The following ZBTB20 variants were observed in gnomAD, a reference collection of about 807,000 sequenced individuals.
The protein encoded by ZBTB20 is zinc finger and BTB domain containing 20, also known as zinc finger and BTB domain-containing protein 20.
ZBTB20 carries 9 observed loss-of-function variants against 56.9 expected under a neutral mutation model. The ratio of observed to expected loss-of-function variants is 0.16; its 90% CI spans 0.10 to 0.28. ZBTB20 has a LOEUF of 0.28. ZBTB20 is among the 10% of genes least tolerant of loss of function. ZBTB20 has a pLI of 1.00. For synonymous variants in ZBTB20, 417 were observed against 420.7 expected (o/e 0.99, Z 0.11); for missense variants, 655 against 1,003.0 (o/e 0.65, Z 4.69).
chr3:114,361,370 G>GA (rs2081863302), intron 10 of ZBTB20, among the ~76,000 whole-genome samples: 1 of 152,136 alleles, frequency 6.6e-6, no homozygotes, highest in Non-Finnish European at 1.5e-5. Context: ...GAAGCCTTCT[G>GA]TGATTACTAG....
chr3:114,936,940 C>T (rs1325578816), intron 3 of ZBTB20, among the ~76,000 whole-genome samples: 2 of 152,078 alleles, frequency 1.3e-5, no homozygotes, highest in East Asian at 1.9e-4. Context: ...GACTATGATG[C>T]AATTCTGACA....
intron 8 of ZBTB20, among the ~76,000 whole-genome samples, chr3:114,384,231 C>A (rs538455328): frequency 6.6e-6 from 1 of 151,334 alleles, no homozygotes; most frequent in Non-Finnish European, 1.5e-5. Context: ...GCCCCTCAAC[C>A]GGAAAATGAA....
chr3:114,801,003 A>G (rs755620956), intron 5 of ZBTB20, 98 bp downstream of exon 5: 11 of 151,918 alleles, frequency 7.2e-5, no homozygotes, highest in Non-Finnish European at 1.2e-4. Flanking sequence ...GGACATTCAA[A>G]TTTTTACTCA....
intron 6 of ZBTB20, among the ~76,000 whole-genome samples, chr3:114,518,193 T>G (rs1226318818): frequency 6.6e-6 from 1 of 152,124 alleles, no homozygotes; most frequent in Middle Eastern, 3.2e-3. Context: ...AGTTTTCGGT[T>G]TCTTCTTCCT....
At chr3:115,136,004 T>C (rs530583486) in intron 1 of ZBTB20, among the ~76,000 whole-genome samples, 39 of 152,254 alleles carry the variant, frequency 2.6e-4, no homozygotes, top group African/African-American at 8.7e-4. Flanking sequence ...AGGAATCATA[T>C]AGGATATGAA....
chr3:114,489,898 C>T (rs2042547270), intron 7 of ZBTB20, among the ~76,000 whole-genome samples: 1 of 152,158 alleles, frequency 6.6e-6, no homozygotes, highest in Non-Finnish European at 1.5e-5. Flanking sequence ...TCTTTCTAAG[C>T]TATCATTTTA....
rs2061273448 is a variant in ZBTB20 at position 114,669,998 on chromosome 3, A to G, written c.-295+23530T>C. Among the ~76,000 whole-genome samples the G allele has an allele frequency of 4.6e-5, 7 of 152,236 alleles. No homozygotes were observed. The South Asian group carries it at 1.5e-3, about 32-fold the overall frequency. On this transcript the variant is annotated intron_variant, in intron 6 of 11. Transcript: ENST00000675478. ...TTGAAAATCAAGAAAATTTTTTCTG[A>G]GAAAAGTTTGTGAGAATTATTATGA...
intron 1 of ZBTB20, among the ~76,000 whole-genome samples, chr3:115,104,422 G>T (rs2083665740): frequency 6.6e-6 from 1 of 152,152 alleles, no homozygotes; most frequent in Non-Finnish European, 1.5e-5. Context: ...ATTCATAATT[G>T]CCAATATTTG....
chr3:114,481,226 C>A (rs569203080), intron 7 of ZBTB20, among the ~76,000 whole-genome samples: 1 of 150,422 alleles, frequency 6.6e-6, no homozygotes, highest in African/African-American at 2.5e-5. Context: ...CAAGACTGAA[C>A]TCTAGAAATG....
At chr3:114,364,740 C>A (rs2082227905) in intron 10 of ZBTB20, among the ~76,000 whole-genome samples, 1 of 152,172 alleles carries the variant, frequency 6.6e-6, no homozygotes, top group Non-Finnish European at 1.5e-5. Context: ...TGTCTCATTT[C>A]TTCTAAAGAT....
At chr3:114,689,565 G>A (rs761602369) in intron 6 of ZBTB20, among the ~76,000 whole-genome samples, 2 of 152,176 alleles carry the variant, frequency 1.3e-5, no homozygotes, top group Middle Eastern at 3.4e-3. Context: ...AAGAGGCCAA[G>A]CATAAGGAAA....
rs1383119315 is a variant in ZBTB20 at position 114,547,744 on chromosome 3, A to G, written c.-294-47353T>C. Among the ~76,000 whole-genome samples, 6 of 152,334 alleles carry G rather than the reference A, an allele frequency of 3.9e-5. No homozygotes were observed. In the East Asian group the frequency reaches 9.6e-4, roughly 24 times the overall value. ...AAATCTTTATTTCAAGTATTTATTAAGTGCATACTAGGTGTAAAGTTTACA... is the reference window on the plus strand; with the variant it reads ...AAATCTTTATTTCAAGTATTTATTAGGTGCATACTAGGTGTAAAGTTTACA... On this transcript the variant is annotated intron_variant, in intron 6 of 11. Coordinates refer to ENST00000675478, the MANE Select transcript of ZBTB20 (RefSeq NM_001348800.3).
chr3:115,055,375 C>T (rs1450496521), intron 2 of ZBTB20, among the ~76,000 whole-genome samples: 1 of 152,014 alleles, frequency 6.6e-6, no homozygotes, highest in Non-Finnish European at 1.5e-5. Context: ...CTTTAGATGA[C>T]CACTGACCTG....
chr3:114,794,364 G>T (rs182170787), intron 5 of ZBTB20, among the ~76,000 whole-genome samples: 12 of 152,172 alleles, frequency 7.9e-5, no homozygotes, highest in African/African-American at 2.9e-4. Flanking sequence ...CCTTGAAAGG[G>T]TTATGATAGG....
chr3:115,084,197 G>C (rs1035137413), intron 1 of ZBTB20, among the ~76,000 whole-genome samples: 5 of 147,304 alleles, frequency 3.4e-5, no homozygotes, highest in African/African-American at 7.5e-5. Flanking sequence ...CATAGACTTT[G>C]TATAGGTAAG....
intron 2 of ZBTB20, among the ~76,000 whole-genome samples, chr3:114,984,785 T>G (rs369856618): frequency 6.6e-6 from 1 of 152,064 alleles, no homozygotes; most frequent in Non-Finnish European, 1.5e-5. Context: ...GCTAATTTAA[T>G]GTCCTGTTCC....
At chr3:114,765,234 CAT>C (rs1326669045) in intron 5 of ZBTB20, among the ~76,000 whole-genome samples, 1 of 152,096 alleles carries the variant, frequency 6.6e-6, no homozygotes, top group Non-Finnish European at 1.5e-5. Context: ...TCCCAAAATT[CAT>C]ATGTTAAATT....
chr3:114,470,730 C>T (rs946610697), intron 7 of ZBTB20, among the ~76,000 whole-genome samples: 4 of 152,148 alleles, frequency 2.6e-5, no homozygotes, highest in Non-Finnish European at 4.4e-5. Context: ...ATGACTCCAA[C>T]GGCTCTGCTT....
At position 114,730,929 on chromosome 3, in the gene ZBTB20, G is replaced by A. The variant is rs866659665; in HGVS notation, c.-342-37354C>T. 2.6e-4 allele frequency among the ~76,000 whole-genome samples: 39 copies of A among 152,282 alleles called. No homozygotes were observed. The Middle Eastern group carries it at 0.014, about 53-fold the overall frequency. On this transcript the variant is annotated intron_variant, in intron 5 of 11. Coordinates refer to ENST00000675478, the MANE Select transcript of ZBTB20 (RefSeq NM_001348800.3). ...TTCAAGAAATGTCCCAAGAGACAAG[G>A]ATTCAATAAGTGGCATAACTGAGAT...
Sources: allele counts gnomAD v4.1 joint callset (sites outside exome capture counted in the v4.1 genomes callset), GRCh38; gene constraint gnomAD v4.1.1; transcripts MANE v1.5; gene names NCBI Gene and HGNC (gene_info 2026-07-23, HGNC 2026-07-21).